The following RHBDD1 variants were observed in gnomAD, a reference collection of about 807,000 sequenced individuals.
The protein encoded by RHBDD1 is rhomboid domain containing 1.
In RHBDD1, 38 loss-of-function variants were observed where a neutral mutation model predicts 36.3. The observed-to-expected ratio is 1.05, with a 90% confidence interval of 0.81 to 1.37. RHBDD1 has a LOEUF of 1.37. Among genes scored for constraint, RHBDD1 ranks in the 40% most tolerant of loss-of-function variants. RHBDD1 has a pLI of 0.00. For synonymous variants in RHBDD1, 151 were observed against 136.5 expected (o/e 1.11, Z -0.74); for missense variants, 393 against 377.6 (o/e 1.04, Z -0.34).
chr2:226,994,448 A>G (rs994059937), intron 8 of RHBDD1, among the ~76,000 whole-genome samples: 5 of 152,222 alleles, frequency 3.3e-5, no homozygotes, highest in Admixed American at 2.6e-4. Flanking sequence ...CATTGGTTCT[A>G]TCGGGGTTGA....
chr2:226,867,159 A>G (rs1944410083), intron 4 of RHBDD1, 27 bp from the exon 5 acceptor site: 2 of 1,571,640 alleles, frequency 1.3e-6, no homozygotes, highest in African/African-American at 1.4e-5. Flanking sequence ...GATTGTTGAT[A>G]TTTGCATGTT....
intron 8 of RHBDD1, among the ~76,000 whole-genome samples, chr2:226,943,953 A>ATTT (rs1950818204): frequency 6.6e-6 from 1 of 152,138 alleles, no homozygotes; most frequent in African/African-American, 2.4e-5. Flanking sequence ...GGACTTCTGG[A>ATTT]TTTCTCTGTG....
the RHBDD1 span, among the ~76,000 whole-genome samples, chr2:226,828,938 T>C: frequency 1.3e-5 from 2 of 152,184 alleles, no homozygotes; most frequent in Non-Finnish European, 2.9e-5. Context: ...TGGATTGTAC[T>C]TTTCCTGTCA....
At chr2:226,878,125 G>A (rs1247161860) in intron 5 of RHBDD1, among the ~76,000 whole-genome samples, 1 of 152,180 alleles carries the variant, frequency 6.6e-6, no homozygotes, top group Non-Finnish European at 1.5e-5. Flanking sequence ...CTCTAGTCAC[G>A]GGAAGACTGC....
chr2:226,871,313 A>G (rs1483734969), intron 5 of RHBDD1, among the ~76,000 whole-genome samples: 1 of 152,198 alleles, frequency 6.6e-6, no homozygotes, highest in Admixed American at 6.5e-5. Context: ...TGTAAACATA[A>G]TAACTTCACC....
At chr2:226,898,946 A>G (rs1317752104) in intron 5 of RHBDD1, among the ~76,000 whole-genome samples, 1 of 152,166 alleles carries the variant, frequency 6.6e-6, no homozygotes, top group Non-Finnish European at 1.5e-5. Context: ...TAATGAGGTC[A>G]TTTGCTCTGC....
At chr2:226,968,414 C>G (rs1038799534) in intron 8 of RHBDD1, among the ~76,000 whole-genome samples, 1 of 152,192 alleles carries the variant, frequency 6.6e-6, no homozygotes, top group Non-Finnish European at 1.5e-5. Flanking sequence ...AGAATTTCTT[C>G]TTCTTCAGGG....
intron 7 of RHBDD1, among the ~76,000 whole-genome samples, chr2:226,910,350 A>G (rs1362892823): frequency 6.6e-6 from 1 of 152,176 alleles, no homozygotes. Flanking sequence ...CTCTGAAGTG[A>G]TTGGATTTCT....
intron 8 of RHBDD1, among the ~76,000 whole-genome samples, chr2:226,985,637 G>C (rs1040287494): frequency 2.0e-5 from 3 of 152,248 alleles, no homozygotes; most frequent in African/African-American, 7.2e-5. Context: ...AGTCACCCGG[G>C]AGCTCATTAA....
chr2:226,980,964 T>G (rs1955594246), intron 8 of RHBDD1, among the ~76,000 whole-genome samples: 1 of 152,200 alleles, frequency 6.6e-6, no homozygotes, highest in Non-Finnish European at 1.5e-5. Flanking sequence ...TTAAAATAAT[T>G]TCTGAGTTTA....
At chr2:226,937,272 G>A (rs1301681723) in intron 8 of RHBDD1, among the ~76,000 whole-genome samples, 1 of 152,088 alleles carries the variant, frequency 6.6e-6, no homozygotes, top group Non-Finnish European at 1.5e-5. Context: ...ACTTGAGGGT[G>A]TGAACAAGTT....
chr2:226,976,078 AT>A, intron 8 of RHBDD1, among the ~76,000 whole-genome samples: 1 of 151,524 alleles, frequency 6.6e-6, no homozygotes, highest in East Asian at 1.9e-4. Context: ...TGCAGTATGG[AT>A]TGGAGCAGAG....
chr2:226,985,115 C>G (rs1269242082), intron 8 of RHBDD1, among the ~76,000 whole-genome samples: 1 of 152,140 alleles, frequency 6.6e-6, no homozygotes, highest in South Asian at 2.1e-4. Context: ...TTTATCTCCT[C>G]TGATTTGGAG....
chr2:226,994,940 G>A (rs1447895942), intron 8 of RHBDD1, among the ~76,000 whole-genome samples: 1 of 152,114 alleles, frequency 6.6e-6, no homozygotes, highest in Non-Finnish European at 1.5e-5. Flanking sequence ...GTGGTTGCTT[G>A]TGTGTTTCAA....
chr2:226,892,173 A>G (rs778396196), intron 5 of RHBDD1, among the ~76,000 whole-genome samples: 12 of 152,244 alleles, frequency 7.9e-5, no homozygotes, highest in Non-Finnish European at 1.6e-4. Flanking sequence ...TAGCATTTCT[A>G]TGCTGTTTGT....
At chr2:226,966,702 G>C (rs1368933066) in intron 8 of RHBDD1, among the ~76,000 whole-genome samples, 4 of 152,144 alleles carry the variant, frequency 2.6e-5, no homozygotes, top group Non-Finnish European at 5.9e-5. Flanking sequence ...GGTTCTAAAA[G>C]TGTTGCCTGG....
At chr2:226,923,736 A>G (rs1164502940) in intron 8 of RHBDD1, among the ~76,000 whole-genome samples, 2 of 151,984 alleles carry the variant, frequency 1.3e-5, no homozygotes, top group East Asian at 3.9e-4. Context: ...GTGTTTTCAA[A>G]TAGCCTGTCT....
In RHBDD1 at chr2:226,906,803, G is replaced by A. The variant is rs533141868; in HGVS notation, c.577G>A (p.Ala193Thr). 1.5e-5 allele frequency: 25 copies of A among 1,614,062 alleles called. No homozygotes were observed. The highest frequency in any genetic ancestry group is 5.3e-5 in the African/African-American group (4 of 75,034). The change falls in exon 6 of 9, where the codon GCT (alanine) becomes ACT (threonine). Residue 193 changes from alanine (A) to threonine (T), a missense_variant. Physicochemically the swap from Ala to Thr is moderately conservative, Grantham distance 58 (BLOSUM62 0). Transcript: ENST00000392062. ...CTCCTTCCCTCCTAGGACTTCCTTC[G>A]CTGGGCATCTGGCTGGGATTCTTGT... is the stretch of plus-strand genomic sequence containing the variant. ...IHLFSPGTSF[A>T]GHLAGILVGL... is the part of the protein sequence containing the mutation.
At chr2:226,966,190 C>T (rs1195901652) in intron 8 of RHBDD1, among the ~76,000 whole-genome samples, 2 of 152,080 alleles carry the variant, frequency 1.3e-5, no homozygotes, top group African/African-American at 4.8e-5. Flanking sequence ...ATAAATAGAT[C>T]CTTGATGCTA....
Sources: allele counts gnomAD v4.1 joint callset (sites outside exome capture counted in the v4.1 genomes callset), GRCh38; gene constraint gnomAD v4.1.1; transcripts MANE v1.5; gene names NCBI Gene and HGNC (gene_info 2026-07-23, HGNC 2026-07-21).